The following MGST2 variants were observed in gnomAD, a reference collection of about 807,000 sequenced individuals.
MGST2 encodes microsomal glutathione S-transferase 2.
A neutral mutation model predicts 16.6 loss-of-function variants in MGST2; 9 were observed. That is an observed-to-expected ratio of 0.54 (90% CI 0.33 to 0.95). The LOEUF (loss-of-function observed/expected upper bound fraction) is 0.95, where lower values mean the gene tolerates loss of function less well. Among genes scored for constraint, MGST2 ranks in the 40% least tolerant of loss-of-function variants. MGST2 has a pLI of 0.03. For synonymous variants in MGST2, 79 were observed against 68.0 expected (o/e 1.16, Z -0.79); for missense variants, 159 against 175.1 (o/e 0.91, Z 0.52).
intron 5 of MGST2, among the ~76,000 whole-genome samples, chr4:139,729,609 C>A (rs1404914824): frequency 2.6e-5 from 4 of 152,170 alleles, no homozygotes. Flanking sequence ...TCTGTGCAGA[C>A]CCTCACAGAA....
At chr4:139,667,794 G>T (rs527313380) in intron 1 of MGST2, among the ~76,000 whole-genome samples, 122 of 152,154 alleles carry the variant, frequency 8.0e-4, no homozygotes, top group African/African-American at 2.8e-3. Context: ...GGAGGGGGAG[G>T]TTGCAGTGGA....
At chr4:139,691,726 TCTCA>T (rs749080143) in intron 2 of MGST2, among the ~76,000 whole-genome samples, 3 of 151,958 alleles carry the variant, frequency 2.0e-5, no homozygotes, top group Non-Finnish European at 4.4e-5. Context: ...TGAGACGGAA[TCTCA>T]CTCTGTCACC....
intron 1 of MGST2, among the ~76,000 whole-genome samples, chr4:139,671,203 C>T (rs998148488): frequency 2.6e-5 from 4 of 152,150 alleles, no homozygotes; most frequent in East Asian, 1.9e-4. Context: ...CTTCCCCTCA[C>T]GGCAGGGAAT....
downstream of MGST2, among the ~76,000 whole-genome samples, chr4:139,704,533 T>C (rs1727441951): frequency 6.6e-6 from 1 of 152,150 alleles, no homozygotes; most frequent in Non-Finnish European, 1.5e-5. Flanking sequence ...TCATTGGTTA[T>C]AGGAAAACAA....
chr4:139,678,094 GGCT>G (rs1443035661), intron 1 of MGST2, among the ~76,000 whole-genome samples: 3 of 152,164 alleles, frequency 2.0e-5, no homozygotes, highest in Admixed American at 6.5e-5. Flanking sequence ...TTGTTCTGAA[GGCT>G]GCTATGTATA....
At chr4:139,695,624 A>T (rs560765436) in intron 3 of MGST2, among the ~76,000 whole-genome samples, 34 of 152,338 alleles carry the variant, frequency 2.2e-4, no homozygotes, top group African/African-American at 7.9e-4. Context: ...TCTCAAAAAA[A>T]CAAACAAAAA....
the MGST2 span, among the ~76,000 whole-genome samples, chr4:139,751,445 A>C: frequency 6.6e-6 from 1 of 152,236 alleles, no homozygotes; most frequent in Non-Finnish European, 1.5e-5. Flanking sequence ...AATTACATAC[A>C]ATATTTTAAA....
chr4:139,682,243 A>T (rs1448180715), intron 2 of MGST2, among the ~76,000 whole-genome samples: 2 of 20,288 alleles, frequency 9.9e-5, no homozygotes, highest in Non-Finnish European at 1.7e-4. Context: ...AATTGGTGCT[A>T]AAAAAAAAAA....
At chr4:139,678,738 C>A in intron 2 of MGST2, 96 bp downstream of exon 2, 1 of 926,308 alleles carries the variant, frequency 1.1e-6, no homozygotes, top group South Asian at 1.4e-5. Flanking sequence ...ACCCTAAGTT[C>A]ATGTGCAATA....
At chr4:139,707,656 G>C (rs1579339350), downstream of MGST2, among the ~76,000 whole-genome samples, 2 of 150,180 alleles carry the variant, frequency 1.3e-5, no homozygotes, top group South Asian at 4.2e-4. Flanking sequence ...GGTTGAACTA[G>C]TTTACAGTCC....
chr4:139,727,823 A>G (rs190660938), intron 5 of MGST2, among the ~76,000 whole-genome samples: 2 of 152,316 alleles, frequency 1.3e-5, no homozygotes, highest in African/African-American at 4.8e-5. Context: ...CTTTCAGGAA[A>G]CCCAAAATCT....
chr4:139,704,043 G>A lies in MGST2; in HGVS notation c.339G>A (p.Gly113=), dbSNP rs1398822492. 6.2e-7 allele frequency: 1 copy of A among 1,614,088 alleles called. No individual in the cohort carries two copies. The highest frequency in any genetic ancestry group is 8.5e-7 in the Non-Finnish European group (1 of 1,180,020). Residue 113 remains glycine (G), a synonymous_variant, in exon 5 of 5, where the codon GGG becomes GGA. Transcript: ENST00000265498. ...TCACCGGTTTCCGACTGAGTCTGGG[G>A]ATTTTGGCCTTGTTGACCCTCCTAG... is the stretch of plus-strand genomic sequence containing the variant. ...KRITGFRLSL[G]ILALLTLLGA...
chr4:139,702,946 G>A (rs1289843738), intron 3 of MGST2, among the ~76,000 whole-genome samples: 2 of 143,036 alleles, frequency 1.4e-5, no homozygotes, highest in Non-Finnish European at 3.0e-5. Flanking sequence ...TTATTTTTCA[G>A]ATGGAGTCTC....
At chr4:139,719,364 C>G in intron 5 of MGST2, 1 of 1,608,410 alleles carries the variant, frequency 6.2e-7, no homozygotes, top group South Asian at 1.1e-5. Context: ...TGCATCCACT[C>G]GTCCCCTGGC....
chr4:139,701,165 T>TA (rs1423048160), intron 3 of MGST2, among the ~76,000 whole-genome samples: 1 of 152,230 alleles, frequency 6.6e-6, no homozygotes, highest in Non-Finnish European at 1.5e-5. Context: ...TTCTCTGTGA[T>TA]AGGCTGAATG....
intron 2 of MGST2, among the ~76,000 whole-genome samples, chr4:139,681,105 C>CTG (rs1731219872): frequency 1.3e-5 from 2 of 152,166 alleles, no homozygotes; most frequent in African/African-American, 4.8e-5. Flanking sequence ...CAGCCTTGAC[C>CTG]TGCCAGCCTC....
At position 139,666,011 on chromosome 4, in the gene MGST2, G is replaced by T; in HGVS notation, c.-9G>T. 2 of 1,614,048 alleles carry T rather than the reference G, an allele frequency of 1.2e-6. No individual in the cohort carries two copies. The highest frequency in any genetic ancestry group is 1.7e-6 in the Non-Finnish European group (2 of 1,180,006). ...TCCCGTGCGCTCTACAAATAGTTCC[G>T]TGAGAAAGATGGCCGGGAACTCGAT... On this transcript the variant is annotated 5_prime_UTR_variant, in exon 1 of 5. Coordinates refer to ENST00000265498, the MANE Select transcript of MGST2 (RefSeq NM_002413.5).
At chr4:139,667,238 G>A (rs79960055) in intron 1 of MGST2, among the ~76,000 whole-genome samples, 1 of 152,164 alleles carries the variant, frequency 6.6e-6, no homozygotes, top group Non-Finnish European at 1.5e-5. Context: ...AGTTCACGAT[G>A]TACGGAGAAA....
At chr4:139,683,107 A>G (rs1731350331) in intron 2 of MGST2, among the ~76,000 whole-genome samples, 1 of 152,198 alleles carries the variant, frequency 6.6e-6, no homozygotes, top group African/African-American at 2.4e-5. Context: ...CAGGGTGGCA[A>G]GTTTCATCCT....
Sources: gnomAD v4.1 joint callset for allele counts (sites outside exome capture counted in the v4.1 genomes callset) on GRCh38, gnomAD v4.1.1 for gene constraint, MANE v1.5 for transcripts, NCBI Gene and HGNC (gene_info 2026-07-23, HGNC 2026-07-21) for gene names.